The following ATP10B variants were observed in gnomAD, a reference collection of about 807,000 sequenced individuals.
The protein encoded by ATP10B is phospholipid-transporting ATPase VB.
In ATP10B, 122 loss-of-function variants were observed where a neutral mutation model predicts 141.2. The ratio of observed to expected loss-of-function variants is 0.86; its 90% CI spans 0.75 to 1.00. The LOEUF (loss-of-function observed/expected upper bound fraction) is 1.00. Ranked by LOEUF, ATP10B falls within the 50% of genes least tolerant of loss-of-function variation. The probability of loss-of-function intolerance (pLI) is 0.00; values close to 1 mark genes in which losing one functional copy is unlikely to be tolerated. For missense variants in ATP10B, 1,876 were observed against 1,825.3 expected (o/e 1.03, Z -0.51); for synonymous variants, 685 against 692.0 (o/e 0.99, Z 0.16).
At chr5:160,789,548 T>C (rs573252178) in intron 1 of ATP10B, among the ~76,000 whole-genome samples, 50 of 152,304 alleles carry the variant, frequency 3.3e-4, no homozygotes, top group African/African-American at 1.2e-3. Flanking sequence ...AGTAAAATCT[T>C]ATGGGACCAC....
intron 1 of ATP10B, among the ~76,000 whole-genome samples, chr5:160,829,819 T>G (rs559994543): frequency 6.6e-6 from 1 of 151,850 alleles, no homozygotes; most frequent in Non-Finnish European, 1.5e-5. Flanking sequence ...TGCAACCTTG[T>G]TAAACTCATT....
chr5:160,586,233 G>T (rs913533264), intron 24 of ATP10B, among the ~76,000 whole-genome samples: 1 of 152,134 alleles, frequency 6.6e-6, no homozygotes, highest in Non-Finnish European at 1.5e-5. Context: ...GTGGTGTTTG[G>T]TTTTCTGTTC....
intron 1 of ATP10B, among the ~76,000 whole-genome samples, chr5:160,823,013 T>TATATATAC: frequency 8.6e-6 from 1 of 116,284 alleles, no homozygotes; most frequent in Non-Finnish European, 1.8e-5. Flanking sequence ...TATATATATA[T>TATATATAC]ATATATATAT....
intron 1 of ATP10B, among the ~76,000 whole-genome samples, chr5:160,841,616 C>T (rs1775813925): frequency 6.6e-6 from 1 of 152,084 alleles, no homozygotes; most frequent in Non-Finnish European, 1.5e-5. Context: ...AGCTATATTT[C>T]AAATAAATAA....
chr5:160,827,909 G>A (rs1774751831), intron 1 of ATP10B, among the ~76,000 whole-genome samples: 1 of 152,028 alleles, frequency 6.6e-6, no homozygotes, highest in Non-Finnish European at 1.5e-5. Flanking sequence ...CAGATATGTG[G>A]CGTTATTTCT....
the ATP10B span, among the ~76,000 whole-genome samples, chr5:160,882,092 G>T: frequency 6.6e-6 from 1 of 152,200 alleles, no homozygotes; most frequent in Admixed American, 6.5e-5. Flanking sequence ...GCCATTGGAA[G>T]GGGGAGGAGG....
At chr5:160,852,424 C>T (rs1226156593), upstream of ATP10B, among the ~76,000 whole-genome samples, 1 of 152,096 alleles carries the variant, frequency 6.6e-6, no homozygotes, top group Non-Finnish European at 1.5e-5. Flanking sequence ...TTTGGTAATG[C>T]ATGTAATTAA....
chr5:160,856,189 A>G (rs532980482), upstream of ATP10B, among the ~76,000 whole-genome samples: 25 of 152,048 alleles, frequency 1.6e-4, no homozygotes, highest in South Asian at 3.3e-3. Flanking sequence ...CTATTTGAAT[A>G]GTCCAATCAA....
intron 1 of ATP10B, among the ~76,000 whole-genome samples, chr5:160,843,481 G>A (rs948303455): frequency 1.3e-5 from 2 of 150,948 alleles, no homozygotes; most frequent in African/African-American, 2.4e-5. Flanking sequence ...AAGCAAACAC[G>A]TAAGTTACTA....
intron 6 of ATP10B, among the ~76,000 whole-genome samples, chr5:160,682,731 G>T (rs1285320702): frequency 6.6e-6 from 1 of 151,988 alleles, no homozygotes; most frequent in Admixed American, 6.6e-5. Context: ...CGGTGGATTG[G>T]TGCCAAAAGA....
In ATP10B at chr5:160,632,309, G is replaced by A. The variant is rs1758993747; in HGVS notation, c.1440C>T (p.Tyr480=). Residue 480 remains tyrosine, a synonymous_variant, in exon 13 of 26, where the codon TAC becomes TAT. Coordinates refer to ENST00000327245, the MANE Select transcript of ATP10B (RefSeq NM_025153.3). Reference sequence around the variant, plus strand: ...ATCTAGCCGAGAAGGACAGGCATTGGTATTGGGTCCACTCTTCACCATCTG... The same window carrying A: ...ATCTAGCCGAGAAGGACAGGCATTGATATTGGGTCCACTCTTCACCATCTG... ...LDSDGEEWTQ[Y]QCLSFSARWA... is the part of the protein sequence containing the mutation. The A allele has an allele frequency of 6.2e-7, 1 of 1,614,178 alleles. No individual in the cohort carries two copies. Among genetic ancestry groups the A allele is most frequent in the Admixed American group, 1.7e-5 (1 of 60,034 alleles).
intron 24 of ATP10B, among the ~76,000 whole-genome samples, chr5:160,581,361 C>T (rs2901445): frequency 0.78 from 117,729 of 151,740 alleles, 45,743 homozygotes; most frequent in East Asian, 0.85. Context: ...TTCGTTCTCA[C>T]TGGTTTCAAA....
rs1230823546 is a variant in ATP10B, at chr5:160,686,073, T to A, written c.470+6A>T. 1 of 1,550,814 alleles carries A rather than the reference T, an allele frequency of 6.4e-7. No individual in the cohort carries two copies. ...CAAGAGAGAACACAGGGATGGTTTT[T>A]CTTACCTTTCATAAATTCGAATGTT... On this transcript the variant is annotated splice_donor_region_variant and intron_variant, in intron 6 of 25. Transcript: ENST00000327245.
intron 2 of ATP10B, among the ~76,000 whole-genome samples, chr5:160,773,575 C>G (rs1214986588): frequency 6.6e-6 from 1 of 152,146 alleles, no homozygotes; most frequent in Non-Finnish European, 1.5e-5. Flanking sequence ...TCCAGAGCGG[C>G]TAATAGCTGA....
chr5:160,709,641 G>A (rs1236355139), intron 3 of ATP10B, among the ~76,000 whole-genome samples: 1 of 143,386 alleles, frequency 7.0e-6, no homozygotes, highest in Non-Finnish European at 1.5e-5. Context: ...TAAGTTTTAG[G>A]GTACATGTGC....
chr5:160,671,376 G>A (rs890145561), intron 6 of ATP10B, among the ~76,000 whole-genome samples: 2 of 152,080 alleles, frequency 1.3e-5, no homozygotes, highest in African/African-American at 4.8e-5. Flanking sequence ...AGAATAGCCA[G>A]TTATTACCAA....
At chr5:160,775,062 G>C (rs1770191244) in intron 2 of ATP10B, among the ~76,000 whole-genome samples, 1 of 152,202 alleles carries the variant, frequency 6.6e-6, no homozygotes, top group African/African-American at 2.4e-5. Context: ...CAGAACTGAA[G>C]TTTGTTTGAC....
chr5:160,737,648 G>A (rs2127802405), intron 2 of ATP10B, among the ~76,000 whole-genome samples: 1 of 152,032 alleles, frequency 6.6e-6, no homozygotes. Context: ...ATTTATAATA[G>A]CCACAAATAA....
the ATP10B span, among the ~76,000 whole-genome samples, chr5:160,892,637 T>C: frequency 2.0e-5 from 3 of 152,142 alleles, no homozygotes; most frequent in African/African-American, 7.2e-5. Context: ...CTTTGTCAAA[T>C]GAAAAAAGTC....
Sources: allele counts gnomAD v4.1 joint callset (sites outside exome capture counted in the v4.1 genomes callset), GRCh38; gene constraint gnomAD v4.1.1; transcripts MANE v1.5; gene names NCBI Gene and HGNC (gene_info 2026-07-23, HGNC 2026-07-21).